The following IPO8 variants were observed in gnomAD, a reference collection of about 807,000 sequenced individuals.
The protein encoded by IPO8 is importin 8, also known as importin-8.
In IPO8, 65 loss-of-function variants were observed where a neutral mutation model predicts 141.2. The observed-to-expected ratio is 0.46, with a 90% CI of 0.38 to 0.57. The LOEUF (loss-of-function observed/expected upper bound fraction) is 0.57. Among genes scored for constraint, IPO8 ranks in the 20% least tolerant of loss-of-function variants. IPO8 has a pLI of 0.00. For synonymous variants in IPO8, 411 were observed against 420.3 expected (o/e 0.98, Z 0.27); for missense variants, 980 against 1,246.8 (o/e 0.79, Z 3.22).
At chr12:30,639,995 C>G (rs2052555270) in intron 20 of IPO8, among the ~76,000 whole-genome samples, 1 of 152,180 alleles carries the variant, frequency 6.6e-6, no homozygotes, top group Non-Finnish European at 1.5e-5. Flanking sequence ...GAAGATTGTC[C>G]TGTAAGAGTC....
At chr12:30,687,370 A>C (rs1386027259) in intron 2 of IPO8, among the ~76,000 whole-genome samples, 2 of 152,214 alleles carry the variant, frequency 1.3e-5, no homozygotes, top group East Asian at 3.8e-4. Flanking sequence ...TCATAAGTTG[A>C]AATTAACTTT....
chr12:30,694,224 A>C (rs1184107610), intron 1 of IPO8, among the ~76,000 whole-genome samples: 3 of 152,182 alleles, frequency 2.0e-5, no homozygotes. Flanking sequence ...GCCAACATAC[A>C]GTACTTTTAC....
chr12:30,665,810 G>T lies in IPO8; in HGVS notation c.1257C>A (p.Ile419=). The change falls in exon 12 of 25, where the codon ATC becomes ATA. Residue 419 remains isoleucine (I), a synonymous_variant. Transcript: ENST00000256079. ...TAGGGTCAAAGTTCGGGTCTGTCAG[G>T]ATTTGATAACAGAATGCCATCATTT... ...LPKMMAFCYQ[I]LTDPNFDPRK... 6.2e-7 allele frequency: 1 copy of T among 1,613,540 alleles called. No individual in the cohort carries two copies. Among genetic ancestry groups the T allele is most frequent in the Non-Finnish European group, 8.5e-7 (1 of 1,179,668 alleles).
chr12:30,668,249 A>G (rs951002937), intron 10 of IPO8, among the ~76,000 whole-genome samples: 9 of 152,238 alleles, frequency 5.9e-5, no homozygotes, highest in African/African-American at 2.2e-4. Context: ...CTCCAAGAGA[A>G]AACAGGATCC....
In IPO8 at chr12:30,690,505, G is replaced by T; in HGVS notation, c.157C>A (p.Arg53=). 1.3e-6 allele frequency: 2 copies of T among 1,589,398 alleles called. No individual in the cohort carries two copies. The highest frequency in any genetic ancestry group is 1.7e-6 in the Non-Finnish European group (2 of 1,164,770). ...TAAAAAACCAACTCACCTGCCTGTC[G>T]TACTGGGAATTCCACATGGTCAGAG... ...IVSDHVEFPV[R]QAAAIYLKNM... The change falls in exon 2 of 25, where the codon CGA becomes AGA. Residue 53 remains arginine (R), a synonymous_variant. Coordinates refer to ENST00000256079, the MANE Select transcript of IPO8 (RefSeq NM_006390.4).
chr12:30,637,036 G>A lies in IPO8; in HGVS notation c.2641C>T (p.Leu881=). 6.2e-7 allele frequency: 1 copy of A among 1,614,060 alleles called. No individual in the cohort carries two copies. Among genetic ancestry groups the A allele is most frequent in the South Asian group, 1.1e-5 (1 of 91,080 alleles). The change falls in exon 22 of 25, where the codon CTG becomes TTG. Residue 881 remains leucine (L), a synonymous_variant. Coordinates refer to ENST00000256079, the MANE Select transcript of IPO8 (RefSeq NM_006390.4). ...TTTGAACGATCTTCCCGGTTTACCAGTTGTCTAGTAGCACAGACCTGCTTT... is the reference window on the plus strand; with the variant it reads ...TTTGAACGATCTTCCCGGTTTACCAATTGTCTAGTAGCACAGACCTGCTTT... ...GLKQVCATRQ[L]VNREDRSKAE... is the part of the protein sequence containing the mutation.
intron 13 of IPO8, 107 bp from the exon 14 acceptor site, chr12:30,663,761 T>C (rs988260697): frequency 4.6e-6 from 4 of 875,804 alleles, no homozygotes; most frequent in East Asian, 6.1e-5. Flanking sequence ...TATGAAGAAA[T>C]GTTTGCTTTT....
chr12:30,653,190 GTCC>G, intron 17 of IPO8, 98 bp from the exon 18 acceptor site: 1 of 1,040,810 alleles, frequency 9.6e-7, no homozygotes, highest in Non-Finnish European at 1.4e-6. Flanking sequence ...CGCACACAGA[GTCC>G]TCCTCTATCC....
intron 3 of IPO8, 130 bp downstream of exon 3, chr12:30,684,171 G>C (rs549083677): frequency 1.4e-6 from 1 of 700,500 alleles, no homozygotes; most frequent in South Asian, 2.4e-5. Context: ...TATTCTTTGA[G>C]TGTCCCTCTT....
At chr12:30,631,488 A>G (rs2052431436) in intron 24 of IPO8, 1 of 165,308 alleles carries the variant, frequency 6.0e-6, no homozygotes, top group Non-Finnish European at 1.3e-5. Context: ...AAAGCCCAAC[A>G]ATGAGAAATA....
intron 14 of IPO8, 36 bp downstream of exon 14, chr12:30,663,453 A>C: frequency 6.5e-7 from 1 of 1,544,064 alleles, no homozygotes; most frequent in Non-Finnish European, 8.8e-7. Flanking sequence ...AAATGAAATT[A>C]TTTGAGAAGA....
At chr12:30,680,136 C>G (rs1161229493) in intron 5 of IPO8, among the ~76,000 whole-genome samples, 1 of 152,136 alleles carries the variant, frequency 6.6e-6, no homozygotes, top group African/African-American at 2.4e-5. Flanking sequence ...TTTCCTTCTT[C>G]TTTTCCTTCT....
chr12:30,683,742 T>C (rs1177233616), intron 3 of IPO8, among the ~76,000 whole-genome samples: 1 of 152,238 alleles, frequency 6.6e-6, no homozygotes, highest in African/African-American at 2.4e-5. Flanking sequence ...CACAGAACAC[T>C]GTCACTGCAG....
chr12:30,639,283 A>G (rs1035147529), intron 21 of IPO8, among the ~76,000 whole-genome samples: 3 of 151,986 alleles, frequency 2.0e-5, no homozygotes, highest in Non-Finnish European at 4.4e-5. Context: ...AAAAATAAAT[A>G]AAAAAAATAA....
At chr12:30,633,525 T>C (rs955530950) in intron 23 of IPO8, among the ~76,000 whole-genome samples, 6 of 152,260 alleles carry the variant, frequency 3.9e-5, no homozygotes, top group Admixed American at 3.9e-4. Flanking sequence ...ATGGCCTCTG[T>C]ACACTGTGTA....
At chr12:30,647,037 A>T (rs2052656530) in intron 20 of IPO8, among the ~76,000 whole-genome samples, 1 of 152,178 alleles carries the variant, frequency 6.6e-6, no homozygotes, top group Non-Finnish European at 1.5e-5. Context: ...CAGTTACAGG[A>T]CTCAAACCTC....
At chr12:30,645,999 A>G (rs1190418343) in intron 20 of IPO8, among the ~76,000 whole-genome samples, 1 of 152,224 alleles carries the variant, frequency 6.6e-6, no homozygotes, top group African/African-American at 2.4e-5. Context: ...AACGCTTCCC[A>G]ACTCATTCAA....
chr12:30,655,087 C>G (rs1304636997), intron 17 of IPO8, among the ~76,000 whole-genome samples: 1 of 151,944 alleles, frequency 6.6e-6, no homozygotes, highest in Admixed American at 6.6e-5. Flanking sequence ...GTGAAATAAG[C>G]CAAAACAGAA....
Position 30,663,547 on chromosome 12 carries a change from C to G in IPO8, c.1536G>C (p.Met512Ile). Residue 512 changes from methionine (M) to isoleucine (I), a missense_variant, in exon 14 of 25, where the codon ATG (methionine) becomes ATC (isoleucine). This residue lies in a region of IPO8 where 924 missense variants were observed against 1,153.9 expected (regional missense o/e 0.80). Transcript: ENST00000256079. Reference sequence around the variant, plus strand: ...CAAGGGCAGCTTCAACTTTGACAGGCATCTCTTTATCTTCAATCAGGCTCT... The same window carrying G: ...CAAGGGCAGCTTCAACTTTGACAGGGATCTCTTTATCTTCAATCAGGCTCT... Reference protein sequence around the residue: ...AKKSLIEDKEMPVKVEAALAL... With the variant: ...AKKSLIEDKEIPVKVEAALAL... 1 of 1,613,768 alleles carries G rather than the reference C, an allele frequency of 6.2e-7. No individual in the cohort carries two copies. Among genetic ancestry groups the G allele is most frequent in the South Asian group, 1.1e-5 (1 of 90,998 alleles).
Sources: gnomAD v4.1 joint callset for allele counts (sites outside exome capture counted in the v4.1 genomes callset) on GRCh38, gnomAD v4.1.1 for gene constraint, gnomAD v4.1.1 regional missense constraint, MANE v1.5 for transcripts, NCBI Gene and HGNC (gene_info 2026-07-23, HGNC 2026-07-21) for gene names.